ANKRD30A: variants seen among roughly 807,000 people sequenced by gnomAD.
ANKRD30A encodes the protein ankyrin repeat domain 30A, also known as ankyrin repeat domain-containing protein 30A.
Under a neutral mutation model 166.3 loss-of-function variants are expected in ANKRD30A, and 170 were observed. The observed-to-expected ratio is 1.02, with a 90% CI of 0.90 to 1.16. ANKRD30A has a LOEUF of 1.16. Among genes scored for constraint, ANKRD30A ranks in the 50% most tolerant of loss-of-function variants. The pLI is 0.00. For missense variants in ANKRD30A, 1,630 were observed against 1,518.0 expected (o/e 1.07, Z -1.23); for synonymous variants, 564 against 508.9 (o/e 1.11, Z -1.46).
chr10:37,167,544 A>T (rs1767380), intron 19 of ANKRD30A, among the ~76,000 whole-genome samples: 2 of 151,746 alleles, frequency 1.3e-5, no homozygotes, highest in Non-Finnish European at 2.9e-5. Context: ...TGATTTTAAC[A>T]TAGAAAATGT....
At chr10:37,199,576 A>T (rs1168914257) in intron 29 of ANKRD30A, 151 bp from the exon 30 acceptor site, 13 of 443,520 alleles carry the variant, frequency 2.9e-5, no homozygotes, top group East Asian at 1.6e-4. Context: ...CGGATTGACT[A>T]TAGGAAGTAG....
At chr10:37,137,882 G>C (rs1200906) in intron 6 of ANKRD30A, among the ~76,000 whole-genome samples, 80,391 of 151,870 alleles carry the variant, frequency 0.53, 21,641 homozygotes, top group Non-Finnish European at 0.57. Flanking sequence ...AGTGGTTCTC[G>C]CAGCACCCAG....
chr10:37,162,926 T>C, intron 17 of ANKRD30A, 78 bp downstream of exon 17: 2 of 1,525,392 alleles, frequency 1.3e-6, no homozygotes, highest in African/African-American at 1.4e-5. Flanking sequence ...TACCCAATGG[T>C]TTATTTTTTT....
chr10:37,216,405 C>T lies in ANKRD30A; in HGVS notation c.3083+11C>T. 6.4e-7 allele frequency: 1 copy of T among 1,572,584 alleles called. No homozygotes were observed. The highest frequency in any genetic ancestry group is 8.6e-7 in the Non-Finnish European group (1 of 1,162,542). On this transcript the variant is annotated intron_variant, in intron 32 of 35. Transcript: ENST00000361713. The stretch of plus-strand genomic sequence containing the variant: ...GCTCTGCAGTGTGAGGTGTGATTTC[C>T]TAGTTTTAAATAAATATTTCAGCTA...
intron 29 of ANKRD30A, among the ~76,000 whole-genome samples, chr10:37,199,435 C>T (rs1286756563): frequency 6.6e-6 from 1 of 151,958 alleles, no homozygotes; most frequent in African/African-American, 2.4e-5. Context: ...ATAGGATATA[C>T]CTTGTTTCAG....
intron 34 of ANKRD30A, among the ~76,000 whole-genome samples, chr10:37,230,527 A>C (rs960544658): frequency 6.6e-6 from 1 of 152,092 alleles, no homozygotes; most frequent in Non-Finnish European, 1.5e-5. Flanking sequence ...TTAATTTGAC[A>C]GTAGTATTGT....
intron 18 of ANKRD30A, among the ~76,000 whole-genome samples, chr10:37,166,357 G>C (rs1839343125): frequency 6.6e-6 from 1 of 152,162 alleles, no homozygotes; most frequent in Non-Finnish European, 1.5e-5. Flanking sequence ...TTGTGAAGGT[G>C]ATTTGTTTTT....
chr10:37,149,662 A>T lies in ANKRD30A; in HGVS notation c.1555A>T (p.Lys519Ter), dbSNP rs1407573923. ...CTTTTGCTTTTTAGAGCCTCCTAAGAAGCCATCTGCCTTCAAGGTATTTAG... is the reference window on the plus strand; with the variant it reads ...CTTTTGCTTTTTAGAGCCTCCTAAGTAGCCATCTGCCTTCAAGGTATTTAG... ...INREVEEPPK[K>*]PSAFKPAIEM... is the part of the protein sequence containing the mutation. The change falls in exon 10 of 36, where the codon AAG (lysine) becomes TAG (stop). Residue 519 changes from lysine (K) to a stop codon, truncating the protein, a stop_gained. Coordinates refer to ENST00000361713, the MANE Select transcript of ANKRD30A (RefSeq NM_052997.3). LOFTEE classifies it high-confidence loss of function. 6.2e-7 allele frequency: 1 copy of T among 1,612,466 alleles called. No homozygotes were observed. Among genetic ancestry groups the T allele is most frequent in the Non-Finnish European group, 8.5e-7 (1 of 1,178,840 alleles).
Position 37,193,951 on chromosome 10 carries a change from T to C in ANKRD30A, c.2614+693T>C, listed in dbSNP as rs540853012. 7.9e-5 allele frequency among the ~76,000 whole-genome samples: 12 copies of C among 152,234 alleles called. 1 individual carries two copies. The highest frequency in any genetic ancestry group is 2.6e-4 in the African/African-American group (11 of 41,536). ...GGCACGTGCCTGTAATGATAGCAGT[T>C]TGGGAGAGAAAGGCAGACAGATAAG... On this transcript the variant is annotated intron_variant, in intron 27 of 35. Coordinates refer to ENST00000361713, the MANE Select transcript of ANKRD30A (RefSeq NM_052997.3).
Position 37,167,803 on chromosome 10 carries a change from A to T in ANKRD30A, c.2155+1108A>T, listed in dbSNP as rs561660413. Among the ~76,000 whole-genome samples, 18 of 149,326 alleles carry T rather than the reference A, an allele frequency of 1.2e-4. No homozygotes were observed. The East Asian group carries it at 3.5e-3, about 29-fold the overall frequency. ...TATATATCCAAGCTGATCAATTCAT[A>T]ACACTTTTTCTGATGAGATGTCAAT... On this transcript the variant is annotated intron_variant, in intron 19 of 35. Transcript: ENST00000361713.
chr10:37,193,884 C>T (rs1430573979), intron 27 of ANKRD30A, among the ~76,000 whole-genome samples: 1 of 152,120 alleles, frequency 6.6e-6, no homozygotes, highest in Non-Finnish European at 1.5e-5. Context: ...TGTTGTCATT[C>T]CCGTGAACGT....
intron 8 of ANKRD30A, among the ~76,000 whole-genome samples, chr10:37,146,748 A>C (rs1837538507): frequency 6.6e-6 from 1 of 152,206 alleles, no homozygotes; most frequent in Admixed American, 6.5e-5. Flanking sequence ...CTGAGTAAAA[A>C]GCACTTAAGC....
At chr10:37,194,564 C>A (rs1840903655) in intron 27 of ANKRD30A, among the ~76,000 whole-genome samples, 3 of 151,910 alleles carry the variant, frequency 2.0e-5, no homozygotes, top group Admixed American at 2.0e-4. Context: ...ATGGTCTGAT[C>A]CGGATCTCCT....
At chr10:37,213,556 CT>C (rs397965588) in intron 31 of ANKRD30A, among the ~76,000 whole-genome samples, 1,723 of 132,458 alleles carry the variant, frequency 0.013, 28 homozygotes, top group African/African-American at 0.039. Flanking sequence ...TCTTCTTCTT[CT>C]TTTTTTTTTT....
At chr10:37,133,705 A>G (rs1836509165) in intron 4 of ANKRD30A, among the ~76,000 whole-genome samples, 2 of 152,314 alleles carry the variant, frequency 1.3e-5, no homozygotes, top group Middle Eastern at 3.4e-3. Context: ...AAAGGACTTT[A>G]TATTAGCCAA....
chr10:37,178,940 G>A (rs1183785136), intron 24 of ANKRD30A, among the ~76,000 whole-genome samples: 1 of 149,522 alleles, frequency 6.7e-6, no homozygotes, highest in African/African-American at 2.4e-5. Flanking sequence ...GAGACTACTG[G>A]AATCATGAGG....
At chr10:37,162,549 T>C (rs903558314) in intron 15 of ANKRD30A, 100 bp from the exon 16 acceptor site, 267 of 1,479,364 alleles carry the variant, frequency 1.8e-4, no homozygotes, top group Non-Finnish European at 2.3e-4. Flanking sequence ...CATTCTCCAA[T>C]TGGAGCAAGA....
chr10:37,214,740 A>G (rs1564580590), intron 31 of ANKRD30A, among the ~76,000 whole-genome samples: 1 of 151,232 alleles, frequency 6.6e-6, no homozygotes, highest in Admixed American at 6.6e-5. Context: ...AAGTAATATT[A>G]TATCATATCA....
chr10:37,146,956 A>C (rs1169695683), intron 8 of ANKRD30A, among the ~76,000 whole-genome samples: 3 of 151,764 alleles, frequency 2.0e-5, no homozygotes, highest in Non-Finnish European at 4.4e-5. Flanking sequence ...TTATATAACT[A>C]CCTCTAATAT....
Sources: allele counts gnomAD v4.1 joint callset (sites outside exome capture counted in the v4.1 genomes callset), GRCh38; gene constraint gnomAD v4.1.1; transcripts MANE v1.5; gene names NCBI Gene and HGNC (gene_info 2026-07-23, HGNC 2026-07-21).